ALG9: variants seen among roughly 807,000 people sequenced by gnomAD.
ALG9 encodes the protein alpha-1,2-mannosyltransferase ALG9.
Under a neutral mutation model 81.8 loss-of-function variants are expected in ALG9, and 55 were observed. The ratio of observed to expected loss-of-function variants is 0.67; its 90% CI spans 0.54 to 0.84. The LOEUF (loss-of-function observed/expected upper bound fraction) is 0.84, where lower values mean the gene tolerates loss of function less well. ALG9 is among the 40% of genes least tolerant of loss of function. The probability of loss-of-function intolerance (pLI) is 0.00; values close to 1 mark genes in which losing one functional copy is unlikely to be tolerated. For missense variants in ALG9, 629 were observed against 745.0 expected (o/e 0.84, Z 1.81); for synonymous variants, 278 against 274.3 (o/e 1.01, Z -0.13).
intron 14 of ALG9, among the ~76,000 whole-genome samples, chr11:111,803,053 A>G (rs1555081838): frequency 6.6e-6 from 1 of 152,220 alleles, no homozygotes; most frequent in Non-Finnish European, 1.5e-5. Context: ...GAATGACTCA[A>G]TATTGTCAAG....
chr11:111,864,145 TA>T (rs1442131879), intron 4 of ALG9: 10 of 508,668 alleles, frequency 2.0e-5, no homozygotes, highest in Non-Finnish European at 3.2e-5. Flanking sequence ...AAATAAAAAT[TA>T]AAAAAAGAAA....
At chr11:111,778,095 G>C (rs377236572), downstream of ALG9, 2 of 152,094 alleles carry the variant, frequency 1.3e-5, no homozygotes, top group Non-Finnish European at 2.9e-5. Context: ...TCCCCAGTGC[G>C]TTGAGTAGAA....
the ALG9 span, chr11:111,768,828 CGTGTGT>C: frequency 6.9e-4 from 62 of 89,990 alleles, no homozygotes; most frequent in African/African-American, 2.0e-3. Flanking sequence ...CATCCAGCTT[CGTGTGT>C]GTGTGTGCGT....
intron 12 of ALG9, chr11:111,836,700 C>A (rs1489954049): frequency 1.7e-5 from 4 of 232,154 alleles, no homozygotes; most frequent in Non-Finnish European, 2.6e-5. Flanking sequence ...ATACTTTGTT[C>A]CGGAGTAACC....
intron 13 of ALG9, among the ~76,000 whole-genome samples, chr11:111,816,807 C>A (rs967291857): frequency 2.2e-4 from 34 of 152,166 alleles, no homozygotes; most frequent in African/African-American, 7.7e-4. Context: ...TGATTCCTCC[C>A]GCCTTGGCCT....
Position 111,783,312 on chromosome 11 carries a change from G to C in ALG9, c.*3085C>G, listed in dbSNP as rs532646435. On this transcript the variant is annotated 3_prime_UTR_variant, in exon 15 of 15. Coordinates refer to ENST00000616540, the MANE Select transcript of ALG9 (RefSeq NM_024740.2). ...TCTACTAAAAATACAAAAATTAGCTGAGTGCGGTGGTGGTGTGTGCCTGTA... is the reference window on the plus strand; with the variant it reads ...TCTACTAAAAATACAAAAATTAGCTCAGTGCGGTGGTGGTGTGTGCCTGTA... 3 of 152,342 alleles carry C rather than the reference G, an allele frequency of 2.0e-5. No individual in the cohort carries two copies. Among genetic ancestry groups the C allele is most frequent in the African/African-American group, 7.2e-5 (3 of 41,524 alleles). The allele number at this position is 152,342 out of a possible 1,614,324, so 9.4% of individuals were successfully genotyped here.
intron 14 of ALG9, among the ~76,000 whole-genome samples, chr11:111,790,553 A>G (rs1947245461): frequency 6.6e-6 from 1 of 152,230 alleles, no homozygotes; most frequent in Admixed American, 6.5e-5. Context: ...AAGGCAAGCT[A>G]AAACAAAGGT....
At chr11:111,839,316 T>TG (rs1955830406) in intron 10 of ALG9, among the ~76,000 whole-genome samples, 1 of 152,106 alleles carries the variant, frequency 6.6e-6, no homozygotes, top group African/African-American at 2.4e-5. Flanking sequence ...CTGGGTGCGG[T>TG]GGCTCACGCC....
Position 111,842,163 on chromosome 11 carries a change from C to T in ALG9, c.1019-1354G>A, listed in dbSNP as rs1037164003. On this transcript the variant is annotated intron_variant, in intron 9 of 14. Transcript: ENST00000616540. ...CCACCCGCCTCGGCCTCTCAAAGTGCTGGGATTACAGGCGTGAGCCACTGT... is the reference window on the plus strand; with the variant it reads ...CCACCCGCCTCGGCCTCTCAAAGTGTTGGGATTACAGGCGTGAGCCACTGT... Among the ~76,000 whole-genome samples, 3 of 152,170 alleles carry T rather than the reference C, an allele frequency of 2.0e-5. No homozygotes were observed. The East Asian group carries it at 5.8e-4, about 29-fold the overall frequency.
At chr11:111,856,453 T>G (rs1228349812) in intron 6 of ALG9, among the ~76,000 whole-genome samples, 1 of 151,578 alleles carries the variant, frequency 6.6e-6, no homozygotes, top group Non-Finnish European at 1.5e-5. Context: ...ATATACAGAA[T>G]AATTCCATTT....
chr11:111,804,657 ACAAACAC>A (rs1949663518), intron 14 of ALG9, among the ~76,000 whole-genome samples: 7 of 152,318 alleles, frequency 4.6e-5, no homozygotes, highest in Admixed American at 4.6e-4. Context: ...CAAAGACTTA[ACAAACAC>A]CTCACTGAAG....
intron 14 of ALG9, among the ~76,000 whole-genome samples, chr11:111,800,523 A>G (rs1591863563): frequency 6.6e-6 from 1 of 151,730 alleles, no homozygotes; most frequent in East Asian, 1.9e-4. Flanking sequence ...ATCTAACTCT[A>G]TAACAAGGGC....
chr11:111,768,272 GACAGTTTTAGC>G, the ALG9 span, among the ~76,000 whole-genome samples: 1 of 152,250 alleles, frequency 6.6e-6, no homozygotes, highest in East Asian at 1.9e-4. Flanking sequence ...TACGACGGAT[GACAGTTTTAGC>G]AAAATACATC....
chr11:111,814,992 C>T (rs2136486451), intron 13 of ALG9, among the ~76,000 whole-genome samples: 1 of 152,298 alleles, frequency 6.6e-6, no homozygotes, highest in South Asian at 2.1e-4. Context: ...CTCAGTATGA[C>T]ATTTTAATAC....
intron 14 of ALG9, among the ~76,000 whole-genome samples, chr11:111,791,911 G>C (rs1947479729): frequency 6.6e-6 from 1 of 152,220 alleles, no homozygotes; most frequent in African/African-American, 2.4e-5. Flanking sequence ...GGCCAACATG[G>C]TGAAACCCCT....
chr11:111,809,881 ATCCAAGTCTTCAGACAAT>A, intron 13 of ALG9, 108 bp from the exon 14 acceptor site: 1 of 1,285,556 alleles, frequency 7.8e-7, no homozygotes, highest in East Asian at 2.3e-5. Flanking sequence ...AGGAACAAAC[ATCCAAGTCTTCAGACAAT>A]GTTGCCTATG....
At chr11:111,794,820 T>G (rs1947994125) in intron 14 of ALG9, among the ~76,000 whole-genome samples, 1 of 152,220 alleles carries the variant, frequency 6.6e-6, no homozygotes, top group South Asian at 2.1e-4. Flanking sequence ...GTGAGAGATT[T>G]TCTACAACCT....
chr11:111,780,297 A>G (rs1945857264), downstream of ALG9, among the ~76,000 whole-genome samples: 1 of 152,038 alleles, frequency 6.6e-6, no homozygotes, highest in Non-Finnish European at 1.5e-5. Flanking sequence ...AAGCACTTGT[A>G]TTTCAGGAGA....
At chr11:111,812,762 T>C (rs1477859149) in intron 13 of ALG9, among the ~76,000 whole-genome samples, 2 of 151,182 alleles carry the variant, frequency 1.3e-5, no homozygotes, top group Non-Finnish European at 3.0e-5. Flanking sequence ...ACTAAAAATA[T>C]AAAAATTAGC....
Sources: allele counts gnomAD v4.1 joint callset (sites outside exome capture counted in the v4.1 genomes callset), GRCh38; gene constraint gnomAD v4.1.1; transcripts MANE v1.5; gene names NCBI Gene and HGNC (gene_info 2026-07-23, HGNC 2026-07-21).